AGBL4: variants seen among roughly 807,000 people sequenced by gnomAD.
AGBL4 encodes the protein cytosolic carboxypeptidase 6.
In AGBL4, 58 loss-of-function variants were observed where a neutral mutation model predicts 66.4. That is an observed-to-expected ratio of 0.87 (90% CI 0.71 to 1.09). The LOEUF is 1.09. Among genes scored for constraint, AGBL4 ranks in the 50% least tolerant of loss-of-function variants. AGBL4 has a pLI of 0.00. For synonymous variants in AGBL4, 234 were observed against 222.9 expected (o/e 1.05, Z -0.44); for missense variants, 579 against 631.0 (o/e 0.92, Z 0.88).
chr1:48,785,633 T>C (rs1645390899), intron 6 of AGBL4, among the ~76,000 whole-genome samples: 1 of 152,150 alleles, frequency 6.6e-6, no homozygotes, highest in Non-Finnish European at 1.5e-5. Context: ...AGAAAAATAG[T>C]CAAGTTGACA....
At chr1:48,882,672 A>G (rs4472794) in intron 5 of AGBL4, among the ~76,000 whole-genome samples, 50,480 of 151,938 alleles carry the variant, frequency 0.33, 8,858 homozygotes, top group East Asian at 0.71. Context: ...GCAATTTTCA[A>G]GTAAAATTAT....
intron 6 of AGBL4, among the ~76,000 whole-genome samples, chr1:48,790,587 C>T (rs1353220052): frequency 6.6e-6 from 1 of 152,076 alleles, no homozygotes; most frequent in East Asian, 1.9e-4. Flanking sequence ...TGATGATTTC[C>T]CCAAAGTCAA....
intron 4 of AGBL4, among the ~76,000 whole-genome samples, chr1:49,224,269 A>C (rs1425872494): frequency 6.6e-6 from 1 of 152,188 alleles, no homozygotes; most frequent in Non-Finnish European, 1.5e-5. Flanking sequence ...TGGAAGAAAC[A>C]GAAGAGTAGT....
chr1:49,590,918 C>CA (rs748087441), intron 3 of AGBL4, among the ~76,000 whole-genome samples: 56 of 151,872 alleles, frequency 3.7e-4, no homozygotes, highest in Admixed American at 3.1e-3. Context: ...ACCCATGAGT[C>CA]AAAGTGTAAA....
chr1:49,583,156 T>C (rs148468319), intron 3 of AGBL4, among the ~76,000 whole-genome samples: 126 of 152,266 alleles, frequency 8.3e-4, no homozygotes, highest in African/African-American at 2.9e-3. Flanking sequence ...TTTGTTCCAA[T>C]GAAGGAACAA....
intron 3 of AGBL4, among the ~76,000 whole-genome samples, chr1:49,483,707 G>A (rs1377972344): frequency 2.0e-5 from 3 of 151,692 alleles, no homozygotes; most frequent in Non-Finnish European, 4.4e-5. Context: ...CTTGAGTAAC[G>A]CTCCGCAAGC....
At chr1:49,913,650 T>G (rs780205085) in intron 1 of AGBL4, among the ~76,000 whole-genome samples, 35 of 152,400 alleles carry the variant, frequency 2.3e-4, no homozygotes, top group Admixed American at 2.0e-4. Context: ...AAGTACTGTC[T>G]GTGACAGCTC....
chr1:49,911,702 G>C (rs1287035962), intron 1 of AGBL4, among the ~76,000 whole-genome samples: 1 of 152,162 alleles, frequency 6.6e-6, no homozygotes, highest in African/African-American at 2.4e-5. Context: ...TGTGCTTGCT[G>C]GTTCAAGCCT....
chr1:49,446,856 G>T (rs1646168683), intron 3 of AGBL4, among the ~76,000 whole-genome samples: 1 of 152,140 alleles, frequency 6.6e-6, no homozygotes, highest in African/African-American at 2.4e-5. Context: ...GTTGGTGATG[G>T]CAATAGTGCA....
intron 4 of AGBL4, among the ~76,000 whole-genome samples, chr1:49,049,032 T>C (rs1644147898): frequency 6.6e-6 from 1 of 152,104 alleles, no homozygotes; most frequent in Admixed American, 6.6e-5. Flanking sequence ...TATCCTCACA[T>C]TTCAGTTTGG....
chr1:49,342,484 C>T (rs1343015938), intron 3 of AGBL4, among the ~76,000 whole-genome samples: 3 of 152,170 alleles, frequency 2.0e-5, no homozygotes, highest in African/African-American at 4.8e-5. Context: ...TCTTTGGGAG[C>T]TTCACTTTGT....
chr1:49,091,795 G>A (rs1042328698), intron 4 of AGBL4, among the ~76,000 whole-genome samples: 10 of 152,094 alleles, frequency 6.6e-5, no homozygotes, highest in Non-Finnish European at 1.3e-4. Flanking sequence ...CCCATCAATA[G>A]TAGAGTGGAT....
intron 5 of AGBL4, among the ~76,000 whole-genome samples, chr1:48,977,317 C>T (rs1307074384): frequency 1.3e-5 from 2 of 152,116 alleles, no homozygotes; most frequent in East Asian, 3.9e-4. Flanking sequence ...TAATATATGC[C>T]TCATTTCCAA....
chr1:49,706,361 G>A (rs1335720443), intron 2 of AGBL4, among the ~76,000 whole-genome samples: 1 of 152,038 alleles, frequency 6.6e-6, no homozygotes, highest in Non-Finnish European at 1.5e-5. Context: ...ATTCTCTGAT[G>A]GTAGTTTGTA....
intron 8 of AGBL4, among the ~76,000 whole-genome samples, chr1:48,635,892 C>A (rs1447848805): frequency 2.0e-5 from 3 of 152,190 alleles, no homozygotes; most frequent in African/African-American, 7.2e-5. Flanking sequence ...GCAAAGGAGT[C>A]CCTTCTTCAT....
chr1:49,910,848 C>T (rs986175952), intron 1 of AGBL4, among the ~76,000 whole-genome samples: 16 of 152,012 alleles, frequency 1.1e-4, no homozygotes, highest in Non-Finnish European at 1.3e-4. Context: ...CGGCGGCATG[C>T]GTCTGTAGTC....
intron 6 of AGBL4, among the ~76,000 whole-genome samples, chr1:48,669,100 C>T (rs535787089): frequency 6.6e-6 from 1 of 152,302 alleles, no homozygotes; most frequent in Admixed American, 6.5e-5. Flanking sequence ...AGTCAGCTGA[C>T]TTCCCTGGGT....
At chr1:48,807,709 C>T (rs1645957817) in intron 6 of AGBL4, among the ~76,000 whole-genome samples, 1 of 152,158 alleles carries the variant, frequency 6.6e-6, no homozygotes, top group African/African-American at 2.4e-5. Flanking sequence ...GTTCCCCATG[C>T]AGATGTGCAG....
At chr1:48,830,842 T>A (rs1646534746) in intron 6 of AGBL4, among the ~76,000 whole-genome samples, 1 of 152,190 alleles carries the variant, frequency 6.6e-6, no homozygotes, top group South Asian at 2.1e-4. Flanking sequence ...TCATTTTTTT[T>A]AAACGTAAAA....
Sources: allele counts gnomAD v4.1 joint callset (sites outside exome capture counted in the v4.1 genomes callset), GRCh38; gene constraint gnomAD v4.1.1; transcripts MANE v1.5; gene names NCBI Gene and HGNC (gene_info 2026-07-23, HGNC 2026-07-21).